The following PRIM2 variants were observed in gnomAD, a reference collection of about 807,000 sequenced individuals.
The protein encoded by PRIM2 is DNA primase large subunit.
In PRIM2, 39 loss-of-function variants were observed where a neutral mutation model predicts 67.3. The ratio of observed to expected loss-of-function variants is 0.58; its 90% CI spans 0.45 to 0.76. The LOEUF is 0.76. Among genes scored for constraint, PRIM2 ranks in the 30% least tolerant of loss-of-function variants. The pLI is 0.00. For synonymous variants in PRIM2, 143 were observed against 198.7 expected (o/e 0.72, Z 2.36); for missense variants, 398 against 598.7 (o/e 0.66, Z 3.50).
the PRIM2 span, among the ~76,000 whole-genome samples, chr6:57,259,221 G>C: frequency 6.6e-6 from 1 of 152,140 alleles, no homozygotes; most frequent in Non-Finnish European, 1.5e-5. Flanking sequence ...TGCTATCAAT[G>C]CATAACAAAC....
intron 10 of PRIM2, among the ~76,000 whole-genome samples, chr6:57,568,624 T>G (rs1389113899): frequency 5.9e-5 from 9 of 152,228 alleles, no homozygotes; most frequent in Admixed American, 6.5e-5. Context: ...TTCACAGTTT[T>G]GATTGTCAAA....
chr6:57,266,405 T>C, the PRIM2 span, among the ~76,000 whole-genome samples: 3 of 152,330 alleles, frequency 2.0e-5, no homozygotes, highest in African/African-American at 7.2e-5. Flanking sequence ...GAAATGTTAA[T>C]GTCAACTCTA....
At chr6:57,461,971 T>G (rs1442162895) in intron 7 of PRIM2, among the ~76,000 whole-genome samples, 1 of 152,208 alleles carries the variant, frequency 6.6e-6, no homozygotes, top group African/African-American at 2.4e-5. Context: ...CTCCAAACAT[T>G]TCTTTTTCTG....
chr6:57,553,817 G>A (rs1368187302), intron 10 of PRIM2, among the ~76,000 whole-genome samples: 2,225 of 152,152 alleles, frequency 0.015, 63 homozygotes, highest in African/African-American at 0.05. Flanking sequence ...CTTATTCCTT[G>A]CAAAGCTTTG....
the PRIM2 span, among the ~76,000 whole-genome samples, chr6:57,227,237 A>G: frequency 6.6e-6 from 1 of 152,304 alleles, no homozygotes; most frequent in African/African-American, 2.4e-5. Flanking sequence ...CGTCTGTGTG[A>G]TATTCTTCCT....
intron 5 of PRIM2, among the ~76,000 whole-genome samples, chr6:57,353,353 A>G (rs1768917705): frequency 6.6e-6 from 1 of 152,162 alleles, no homozygotes; most frequent in African/African-American, 2.4e-5. Flanking sequence ...TTGTTCAGGG[A>G]TGTAATAGGA....
At chr6:57,618,243 T>A (rs1776788320) in intron 12 of PRIM2, among the ~76,000 whole-genome samples, 2 of 152,196 alleles carry the variant, frequency 1.3e-5, no homozygotes, top group Non-Finnish European at 2.9e-5. Context: ...CCATATGAAT[T>A]TGAGGATCAA....
intron 10 of PRIM2, among the ~76,000 whole-genome samples, chr6:57,590,686 T>C (rs1402713868): frequency 6.6e-4 from 101 of 152,246 alleles, no homozygotes; most frequent in African/African-American, 2.3e-3. Context: ...TTTGTAAGAT[T>C]CCTGTTACAA....
At chr6:57,553,148 TG>T (rs1775437274) in intron 10 of PRIM2, among the ~76,000 whole-genome samples, 1 of 152,134 alleles carries the variant, frequency 6.6e-6, no homozygotes, top group Non-Finnish European at 1.5e-5. Context: ...AGGAAATGTG[TG>T]GATTAAAGGG....
intron 10 of PRIM2, among the ~76,000 whole-genome samples, chr6:57,590,128 A>C (rs1423994149): frequency 6.6e-6 from 1 of 152,224 alleles, no homozygotes; most frequent in African/African-American, 2.4e-5. Context: ...CAGAATCTTC[A>C]TCAAAATCTG....
At chr6:57,430,128 C>A (rs1469657337) in intron 7 of PRIM2, among the ~76,000 whole-genome samples, 22 of 152,074 alleles carry the variant, frequency 1.4e-4, no homozygotes, top group African/African-American at 5.3e-4. Flanking sequence ...TTAGTTCAGT[C>A]ACAATCAAAT....
intron 6 of PRIM2, among the ~76,000 whole-genome samples, chr6:57,381,792 C>T (rs1769967025): frequency 6.6e-6 from 1 of 152,066 alleles, no homozygotes. Flanking sequence ...GTAAGCATTC[C>T]AACTTGGCCT....
In PRIM2 at chr6:57,336,512, C is replaced by T. The variant is rs183420804; in HGVS notation, c.459+10467C>T. Among the ~76,000 whole-genome samples the T allele has an allele frequency of 1.8e-4, 27 of 152,318 alleles. No homozygotes were observed. In the South Asian group the frequency reaches 3.1e-3, roughly 18 times the overall value. ...CCCATCAGACTAACAGTGGATCTCT[C>T]GGCACAAACTCTCCAAGCCAGAAGA... On this transcript the variant is annotated intron_variant, in intron 5 of 13. Coordinates refer to ENST00000615550, the MANE Select transcript of PRIM2 (RefSeq NM_000947.5).
chr6:57,334,939 A>G (rs533804480), intron 5 of PRIM2, among the ~76,000 whole-genome samples: 20 of 152,168 alleles, frequency 1.3e-4, no homozygotes, highest in African/African-American at 4.3e-4. Context: ...CTGCATTTCC[A>G]TCTGAGGTAC....
At chr6:57,342,388 T>C (rs1768523268) in intron 5 of PRIM2, among the ~76,000 whole-genome samples, 1 of 152,204 alleles carries the variant, frequency 6.6e-6, no homozygotes. Flanking sequence ...CTTGGTCACA[T>C]TAAAGGTGAA....
Position 57,423,850 on chromosome 6 carries a change from A to C in PRIM2, c.693+41682A>C, listed in dbSNP as rs74940448. On this transcript the variant is annotated intron_variant, in intron 7 of 13. Transcript: ENST00000615550. ...CCTTGAGGCAGTGAATTGCCCAGTC[A>C]GTGCAGGAGTTTTAAGGGTCCAGGT... Among the ~76,000 whole-genome samples the C allele has an allele frequency of 1.3e-3, 191 of 152,316 alleles. 5 individuals carry two copies. In the East Asian group the frequency reaches 0.016, roughly 13 times the overall value.
intron 7 of PRIM2, among the ~76,000 whole-genome samples, chr6:57,466,648 G>A (rs1171703135): frequency 4.6e-5 from 7 of 152,108 alleles, no homozygotes; most frequent in East Asian, 3.8e-4. Context: ...CATATCCTTC[G>A]CCCACTTTTT....
chr6:57,527,124 T>C (rs1774771898), intron 8 of PRIM2, among the ~76,000 whole-genome samples: 1 of 152,186 alleles, frequency 6.6e-6, no homozygotes. Flanking sequence ...TATGGCAGCA[T>C]TATTTGTTTT....
chr6:57,258,551 G>A, the PRIM2 span, among the ~76,000 whole-genome samples: 1 of 152,104 alleles, frequency 6.6e-6, no homozygotes, highest in Non-Finnish European at 1.5e-5. Context: ...TGTTTGAAGT[G>A]GTTGCACAGT....
Sources: allele counts gnomAD v4.1 joint callset (sites outside exome capture counted in the v4.1 genomes callset), GRCh38; gene constraint gnomAD v4.1.1; transcripts MANE v1.5; gene names NCBI Gene and HGNC (gene_info 2026-07-23, HGNC 2026-07-21).